The following GNL3L variants were observed in gnomAD, a reference collection of about 807,000 sequenced individuals.
The protein encoded by GNL3L is guanine nucleotide-binding protein-like 3-like protein.
A neutral mutation model predicts 42.9 loss-of-function variants in GNL3L; 4 were observed. The ratio of observed to expected loss-of-function variants is 0.09; its 90% CI spans 0.05 to 0.21. The LOEUF (loss-of-function observed/expected upper bound fraction) is 0.21. Ranked by LOEUF, GNL3L falls within the 10% of genes least tolerant of loss-of-function variation. The probability of loss-of-function intolerance (pLI) is 1.00; values close to 1 mark genes in which losing one functional copy is unlikely to be tolerated. For synonymous variants in GNL3L, 159 were observed against 176.3 expected (o/e 0.90, Z 0.78); for missense variants, 412 against 481.7 (o/e 0.86, Z 1.36).
At chrX:54,613,200 C>T (rs1926182190) in intron 16 of GNL3L, among the ~76,000 whole-genome samples, 1 of 111,428 alleles carries the variant, frequency 9.0e-6, no homozygotes, top group Admixed American at 9.5e-5. Context: ...GAATTTCTCT[C>T]TTCTACTTGT....
chrX:54,560,609 G>C lies in GNL3L; in HGVS notation c.*7G>C. On this transcript the variant is annotated 3_prime_UTR_variant, in exon 16 of 16. Transcript: ENST00000360845. Reference sequence around the variant, plus strand: ...TGATGGTGTTGGTGACTAATCGACTGATCTCACTTCCCTTCCGCTCCAAGC... The same window carrying C: ...TGATGGTGTTGGTGACTAATCGACTCATCTCACTTCCCTTCCGCTCCAAGC... 4 of 1,039,474 alleles carry C rather than the reference G, an allele frequency of 3.8e-6. No homozygotes were observed. The highest frequency in any genetic ancestry group is 5.4e-6 in the Non-Finnish European group (4 of 738,901). The allele number at this position is 1,039,474 out of a possible 1,213,427, so 85.7% of individuals were successfully genotyped here. A position where few individuals can be genotyped will look rare whatever the true frequency, so the allele number is the denominator to read the frequency against.
chrX:54,550,947 T>C lies in GNL3L; in HGVS notation c.776-16T>C. 1 of 941,257 alleles carries C rather than the reference T, an allele frequency of 1.1e-6. No individual in the cohort carries two copies. The highest frequency in any genetic ancestry group is 1.5e-6 in the Non-Finnish European group (1 of 649,248). 77.6% of individuals were successfully genotyped at this position (941,257 alleles called of 1,213,427 possible). On this transcript the variant is annotated splice_polypyrimidine_tract_variant and intron_variant, in intron 9 of 15. Coordinates refer to ENST00000360845, the MANE Select transcript of GNL3L (RefSeq NM_001184819.2). Reference sequence around the variant, plus strand: ...AGGGCCTCTTCTGCCCTGAGCCATCTGCTGCTATTTTGTAGGTCTTCCCAA... The same window carrying C: ...AGGGCCTCTTCTGCCCTGAGCCATCCGCTGCTATTTTGTAGGTCTTCCCAA...
In GNL3L at chrX:54,599,104, C is replaced by G. The variant is rs192702187; in HGVS notation, c.*46-21741C>G. On this transcript the variant is annotated intron_variant, in intron 16 of 16. Coordinates refer to the GNL3L transcript ENST00000674498. ...GAAACTAAATACAAGGAGAAAATCT[C>G]AAACCAGAGGATAATAAAAATCGTT... is the stretch of plus-strand genomic sequence containing the variant. Among the ~76,000 whole-genome samples the G allele has an allele frequency of 5.6e-4, 63 of 111,810 alleles. 1 individual carries two copies. In the South Asian group the frequency reaches 0.011, roughly 19 times the overall value.
At position 54,548,239 on chromosome X, in the gene GNL3L, G is replaced by A; in HGVS notation, c.641G>A (p.Ser214Asn). ...QHQVKNLNRCSVPVDQASESL... is the reference protein window; with the variant it reads ...QHQVKNLNRCNVPVDQASESL... The stretch of plus-strand genomic sequence containing the variant: ...AATTTTTTTTTCCAGAATCGTTGCA[G>A]TGTGCCAGTAGATCAGGCCTCTGAG... The change falls in exon 9 of 16, where the codon AGT becomes AAT. Residue 214 changes from serine (S) to asparagine (N), a missense_variant. Coordinates refer to ENST00000360845, the MANE Select transcript of GNL3L (RefSeq NM_001184819.2). 1 of 1,205,995 alleles carries A rather than the reference G, an allele frequency of 8.3e-7. No individual in the cohort carries two copies. Among genetic ancestry groups the A allele is most frequent in the Non-Finnish European group, 1.1e-6 (1 of 890,564 alleles).
At chrX:54,638,748 C>T in the GNL3L span, among the ~76,000 whole-genome samples, 1 of 112,090 alleles carries the variant, frequency 8.9e-6, no homozygotes, top group African/African-American at 3.2e-5. Context: ...CCATGCCCGG[C>T]CTATATATAG....
At chrX:54,596,939 C>G (rs1248076167) in intron 16 of GNL3L, among the ~76,000 whole-genome samples, 1 of 111,099 alleles carries the variant, frequency 9.0e-6, no homozygotes, top group Non-Finnish European at 1.9e-5. Context: ...TGGGACTCAC[C>G]CTGCCCTCCC....
intron 13 of GNL3L, among the ~76,000 whole-genome samples, chrX:54,554,212 C>T (rs115914528): frequency 0.028 from 3,071 of 111,029 alleles, 109 homozygotes; most frequent in African/African-American, 0.097. Flanking sequence ...AGGAGAAAGT[C>T]TGGTCCTGGG....
chrX:54,642,857 T>C, the GNL3L span, among the ~76,000 whole-genome samples: 2 of 112,186 alleles, frequency 1.8e-5, no homozygotes, highest in African/African-American at 6.5e-5. Flanking sequence ...ATCTGTATCC[T>C]GAGGATCTAA....
At chrX:54,558,717 T>C in intron 15 of GNL3L, 62 bp downstream of exon 15, 1 of 864,244 alleles carries the variant, frequency 1.2e-6, no homozygotes, top group South Asian at 2.3e-5. Context: ...TTTTTTGTTT[T>C]TTTTTTCTGG....
intron 16 of GNL3L, among the ~76,000 whole-genome samples, chrX:54,617,972 C>G (rs892652670): frequency 5.4e-5 from 6 of 111,706 alleles, no homozygotes; most frequent in African/African-American, 2.0e-4. Flanking sequence ...TCTTCATGGG[C>G]CTTTCTCAGT....
intron 12 of GNL3L, 47 bp from the exon 13 acceptor site, chrX:54,552,245 G>T (rs1227692115): frequency 8.5e-7 from 1 of 1,177,126 alleles, no homozygotes; most frequent in Non-Finnish European, 1.2e-6. Flanking sequence ...ATTGTCATTG[G>T]TTCTCTCAGT....
intron 16 of GNL3L, among the ~76,000 whole-genome samples, chrX:54,587,883 G>A (rs1925808021): frequency 9.0e-6 from 1 of 110,964 alleles, no homozygotes; most frequent in Non-Finnish European, 1.9e-5. Context: ...GTTTCACCAT[G>A]TTGGCCAGGC....
intron 16 of GNL3L, among the ~76,000 whole-genome samples, chrX:54,572,644 C>T (rs757345435): frequency 9.2e-6 from 1 of 108,482 alleles, no homozygotes; most frequent in East Asian, 3.0e-4. Flanking sequence ...GCTGACCCCC[C>T]CACCTCCCTC....
intron 16 of GNL3L, among the ~76,000 whole-genome samples, chrX:54,617,438 C>T (rs1343614483): frequency 8.9e-6 from 1 of 111,958 alleles, no homozygotes; most frequent in Non-Finnish European, 1.9e-5. Flanking sequence ...AACCAACTAT[C>T]TCTTACTTGT....
chrX:54,570,664 T>A, downstream of GNL3L, among the ~76,000 whole-genome samples: 1 of 111,147 alleles, frequency 9.0e-6, no homozygotes, highest in Non-Finnish European at 1.9e-5. Flanking sequence ...CTGTTTTTTT[T>A]AATGATTCCA....
At chrX:54,610,966 G>T (rs1926155462) in intron 16 of GNL3L, among the ~76,000 whole-genome samples, 1 of 111,229 alleles carries the variant, frequency 9.0e-6, no homozygotes, top group Admixed American at 9.6e-5. Flanking sequence ...CTGTGAATCT[G>T]TCTGGTCTTG....
At chrX:54,622,861 T>G (rs1456161707), downstream of GNL3L, among the ~76,000 whole-genome samples, 1 of 111,766 alleles carries the variant, frequency 8.9e-6, no homozygotes, top group African/African-American at 3.3e-5. Flanking sequence ...CTCTTACATT[T>G]AGGTCATTGA....
chrX:54,616,362 C>T (rs1330543043), intron 16 of GNL3L, among the ~76,000 whole-genome samples: 1 of 112,294 alleles, frequency 8.9e-6, no homozygotes, highest in Non-Finnish European at 1.9e-5. Flanking sequence ...ATTATATGCA[C>T]CAAACTTAGC....
intron 16 of GNL3L, among the ~76,000 whole-genome samples, chrX:54,608,670 C>T (rs1479223369): frequency 1.8e-5 from 2 of 112,099 alleles, no homozygotes; most frequent in Non-Finnish European, 3.8e-5. Flanking sequence ...CAGGTCACTG[C>T]AAATACTGTT....
Sources: allele counts gnomAD v4.1 joint callset (sites outside exome capture counted in the v4.1 genomes callset), GRCh38; gene constraint gnomAD v4.1.1; transcripts MANE v1.5; gene names NCBI Gene and HGNC (gene_info 2026-07-23, HGNC 2026-07-21).